RPSA2: variants seen among roughly 807,000 people sequenced by gnomAD.
RPSA2 encodes ribosomal protein SA 2.
chr19:23,837,158 T>A, the RPSA2 span, among the ~76,000 whole-genome samples: 1 of 152,174 alleles, frequency 6.6e-6, no homozygotes, highest in Non-Finnish European at 1.5e-5. Context: ...GATTTTTTTT[T>A]AATAAGATGG....
the RPSA2 span, among the ~76,000 whole-genome samples, chr19:23,810,788 C>G: frequency 2.0e-5 from 3 of 152,104 alleles, no homozygotes; most frequent in Non-Finnish European, 4.4e-5. Flanking sequence ...CTCCCCCAGA[C>G]TGTGACTGGG....
At chr19:23,811,457 T>C in the RPSA2 span, among the ~76,000 whole-genome samples, 4 of 152,212 alleles carry the variant, frequency 2.6e-5, no homozygotes, top group Admixed American at 2.6e-4. Context: ...TAAAAAGGCA[T>C]TTTCATCAGG....
the RPSA2 span, among the ~76,000 whole-genome samples, chr19:23,821,829 A>G: frequency 7.0e-4 from 107 of 152,128 alleles, no homozygotes; most frequent in African/African-American, 2.5e-3. Context: ...GCGTCCCTTT[A>G]CAATGTTAAT....
the RPSA2 span, chr19:23,782,372 A>G: frequency 6.6e-6 from 1 of 152,108 alleles, no homozygotes; most frequent in African/African-American, 2.4e-5. Flanking sequence ...CTGCCCTTAG[A>G]AGGCATTGAG....
the RPSA2 span, among the ~76,000 whole-genome samples, chr19:23,849,876 AC>A: frequency 6.6e-6 from 1 of 152,226 alleles, no homozygotes; most frequent in South Asian, 2.1e-4. Flanking sequence ...TAGTTTTCCT[AC>A]AGGTTTATAT....
the RPSA2 span, among the ~76,000 whole-genome samples, chr19:23,861,934 G>A: frequency 2.6e-5 from 4 of 152,066 alleles, no homozygotes; most frequent in African/African-American, 9.7e-5. Context: ...AGCGGATCAT[G>A]TCTCTATGGT....
At chr19:23,844,148 G>A in the RPSA2 span, among the ~76,000 whole-genome samples, 1 of 152,092 alleles carries the variant, frequency 6.6e-6, no homozygotes, top group Non-Finnish European at 1.5e-5. Context: ...GTTTGTGGGG[G>A]CTATTTAGCA....
chr19:23,867,161 G>A, the RPSA2 span, among the ~76,000 whole-genome samples: 1 of 152,060 alleles, frequency 6.6e-6, no homozygotes, highest in African/African-American at 2.4e-5. Flanking sequence ...AAAAAAAAAT[G>A]TATGGGCTTA....
At chr19:23,761,930 T>TCCTTCC in the RPSA2 span, among the ~76,000 whole-genome samples, 32 of 127,436 alleles carry the variant, frequency 2.5e-4, 4 homozygotes, top group African/African-American at 6.5e-4. Flanking sequence ...CTTTTTTTTT[T>TCCTTCC]TTTTTGAGAT....
the RPSA2 span, among the ~76,000 whole-genome samples, chr19:23,843,959 A>G: frequency 6.6e-6 from 1 of 152,048 alleles, no homozygotes; most frequent in Non-Finnish European, 1.5e-5. Context: ...GGGTTTCTTC[A>G]TGTTGTCCAG....
At chr19:23,808,558 A>G in the RPSA2 span, among the ~76,000 whole-genome samples, 1 of 152,142 alleles carries the variant, frequency 6.6e-6, no homozygotes, top group South Asian at 2.1e-4. Flanking sequence ...CGCCTGACCA[A>G]TAAAAGTATT....
the RPSA2 span, among the ~76,000 whole-genome samples, chr19:23,769,320 A>C: frequency 6.6e-6 from 1 of 152,152 alleles, no homozygotes; most frequent in African/African-American, 2.4e-5. Context: ...ACTGTGTCTT[A>C]ACTCTGAGAC....
At chr19:23,844,842 G>C in the RPSA2 span, among the ~76,000 whole-genome samples, 1 of 151,454 alleles carries the variant, frequency 6.6e-6, no homozygotes, top group East Asian at 2.0e-4. Flanking sequence ...GGAGGATTTG[G>C]TAGAATTTTT....
the RPSA2 span, chr19:23,832,385 C>A: frequency 6.0e-6 from 3 of 499,746 alleles, no homozygotes; most frequent in Admixed American, 6.6e-5. Context: ...AGACAGAAAC[C>A]CTACAAATGT....
the RPSA2 span, among the ~76,000 whole-genome samples, chr19:23,801,924 G>C: frequency 2.0e-5 from 3 of 152,132 alleles, no homozygotes; most frequent in African/African-American, 7.2e-5. Flanking sequence ...TTCTAGAGCA[G>C]TCTCTGTGAG....
At chr19:23,838,634 G>A in the RPSA2 span, among the ~76,000 whole-genome samples, 1 of 151,950 alleles carries the variant, frequency 6.6e-6, no homozygotes, top group Non-Finnish European at 1.5e-5. Context: ...CCTGTTTTAA[G>A]CTAGTAGGGT....
the RPSA2 span, chr19:23,832,356 ACATAGGAGAGTC>A: frequency 4.1e-6 from 2 of 490,340 alleles, no homozygotes; most frequent in Admixed American, 2.3e-5. Flanking sequence ...GCCTTACTGA[ACATAGGAGAGTC>A]CATACTAGAC....
the RPSA2 span, among the ~76,000 whole-genome samples, chr19:23,869,289 G>A: frequency 5.9e-5 from 9 of 152,146 alleles, no homozygotes; most frequent in African/African-American, 1.2e-4. Flanking sequence ...CAAAGATGTC[G>A]CTCAACCATA....
the RPSA2 span, among the ~76,000 whole-genome samples, chr19:23,765,883 G>C: frequency 1.3e-5 from 2 of 152,116 alleles, no homozygotes; most frequent in Non-Finnish European, 2.9e-5. Context: ...AGATGAACAG[G>C]GTTCAACATA....
Sources: allele counts gnomAD v4.1 joint callset (sites outside exome capture counted in the v4.1 genomes callset), GRCh38; gene constraint gnomAD v4.1.1; transcripts MANE v1.5; gene names NCBI Gene and HGNC (gene_info 2026-07-23, HGNC 2026-07-21).